The following RALGAPA1 variants were observed in gnomAD, a reference collection of about 807,000 sequenced individuals.
RALGAPA1 encodes the protein ral GTPase-activating protein subunit alpha-1.
In RALGAPA1, 52 loss-of-function variants were observed where a neutral mutation model predicts 269.6. The ratio of observed to expected loss-of-function variants is 0.19; its 90% CI spans 0.15 to 0.24. The LOEUF (loss-of-function observed/expected upper bound fraction) is 0.24. Ranked by LOEUF, RALGAPA1 falls within the 10% of genes least tolerant of loss-of-function variation. RALGAPA1 has a pLI of 1.00. For synonymous variants in RALGAPA1, 817 were observed against 1,008.3 expected (o/e 0.81, Z 3.60); for missense variants, 1,917 against 3,013.9 (o/e 0.64, Z 8.52).
intron 37 of RALGAPA1, among the ~76,000 whole-genome samples, chr14:35,578,849 A>G (rs1287498854): frequency 6.6e-6 from 1 of 152,216 alleles, no homozygotes; most frequent in Non-Finnish European, 1.5e-5. Context: ...TTAAATGCCA[A>G]CAGGCCTGGT....
chr14:35,790,944 C>T (rs1375121167), intron 1 of RALGAPA1, among the ~76,000 whole-genome samples: 1 of 152,082 alleles, frequency 6.6e-6, no homozygotes, highest in Non-Finnish European at 1.5e-5. Context: ...ATTTCATTAT[C>T]TATTAAAAGT....
Position 35,777,130 on chromosome 14 carries a change from C to T in RALGAPA1, c.107-1385G>A, listed in dbSNP as rs144249489. On this transcript the variant is annotated intron_variant, in intron 1 of 41. Transcript: ENST00000680220. Reference sequence around the variant, plus strand: ...TCACATTTTAAGAAATAAAATGACACGGGGAAATTAATTGTAATAATATAT... The same window carrying T: ...TCACATTTTAAGAAATAAAATGACATGGGGAAATTAATTGTAATAATATAT... Among the ~76,000 whole-genome samples the T allele has an allele frequency of 1.4e-3, 215 of 151,896 alleles. 10 individuals carry two copies. In the East Asian group the frequency reaches 0.039, roughly 28 times the overall value.
chr14:35,725,232 C>A (rs1853751164), intron 13 of RALGAPA1, 79 bp from the exon 14 acceptor site: 1 of 987,344 alleles, frequency 1.0e-6, no homozygotes. Context: ...CAAATACATA[C>A]TTCTTATAAA....
intron 31 of RALGAPA1, among the ~76,000 whole-genome samples, chr14:35,651,558 G>C (rs1465044961): frequency 1.3e-5 from 2 of 152,180 alleles, no homozygotes; most frequent in Non-Finnish European, 1.5e-5. Context: ...TAATGAAATA[G>C]AGGTGGACAG....
chr14:35,699,823 C>T (rs1461553489), intron 17 of RALGAPA1, among the ~76,000 whole-genome samples: 1 of 146,902 alleles, frequency 6.8e-6, no homozygotes, highest in Non-Finnish European at 1.5e-5. Flanking sequence ...TCATCTTTTA[C>T]AAGACTTCTA....
chr14:35,794,337 T>C (rs2076403806), intron 1 of RALGAPA1, among the ~76,000 whole-genome samples: 1 of 152,016 alleles, frequency 6.6e-6, no homozygotes, highest in South Asian at 2.1e-4. Flanking sequence ...TATATATCTA[T>C]ATATATGCAC....
intron 19 of RALGAPA1, among the ~76,000 whole-genome samples, chr14:35,685,971 G>T (rs2065889796): frequency 6.6e-6 from 1 of 152,146 alleles, no homozygotes; most frequent in East Asian, 1.9e-4. Flanking sequence ...CTGCTTTCAT[G>T]TTGCCATACT....
chr14:35,768,714 C>CA (rs1280006843), intron 4 of RALGAPA1, among the ~76,000 whole-genome samples: 1 of 151,366 alleles, frequency 6.6e-6, no homozygotes, highest in Non-Finnish European at 1.5e-5. Context: ...TACAGTACTA[C>CA]AAAAAATAAA....
At chr14:35,808,654 G>C in intron 1 of RALGAPA1, 76 bp downstream of exon 1, 1 of 1,491,658 alleles carries the variant, frequency 6.7e-7, no homozygotes, top group Admixed American at 2.0e-5. Flanking sequence ...GGTCCCGAGA[G>C]AGAGTCCGCA....
intron 1 of RALGAPA1, among the ~76,000 whole-genome samples, chr14:35,792,598 C>T (rs2076252963): frequency 3.3e-5 from 5 of 151,700 alleles, no homozygotes; most frequent in Admixed American, 2.6e-4. Context: ...GCCTGGCCAA[C>T]GTGGCGAAAC....
chr14:35,742,607 T>C (rs1268619339), intron 10 of RALGAPA1, 42 bp from the exon 11 acceptor site: 2 of 1,422,584 alleles, frequency 1.4e-6, no homozygotes, highest in African/African-American at 1.4e-5. Context: ...TACTTTTTCC[T>C]TTGCCACAAA....
chr14:35,736,140 A>T (rs532976752), intron 12 of RALGAPA1, among the ~76,000 whole-genome samples: 3 of 152,336 alleles, frequency 2.0e-5, no homozygotes, highest in African/African-American at 7.2e-5. Flanking sequence ...CACAAGAGGT[A>T]GTGTGTGTGC....
chr14:35,602,758 C>T (rs2059368276), intron 36 of RALGAPA1, among the ~76,000 whole-genome samples: 1 of 152,106 alleles, frequency 6.6e-6, no homozygotes, highest in Non-Finnish European at 1.5e-5. Flanking sequence ...TAATAAAGTA[C>T]AATTATCTGG....
intron 33 of RALGAPA1, among the ~76,000 whole-genome samples, chr14:35,631,619 G>A (rs982996018): frequency 6.6e-6 from 1 of 152,140 alleles, no homozygotes; most frequent in African/African-American, 2.4e-5. Context: ...AGAAGGGAAA[G>A]AGTATAATTG....
chr14:35,610,827 T>A (rs1225116016), intron 35 of RALGAPA1, among the ~76,000 whole-genome samples: 1 of 152,134 alleles, frequency 6.6e-6, no homozygotes, highest in African/African-American at 2.4e-5. Context: ...TGATGTTCCA[T>A]ACACTAGCAA....
chr14:35,804,225 G>A (rs563181395), intron 1 of RALGAPA1, among the ~76,000 whole-genome samples: 3 of 151,842 alleles, frequency 2.0e-5, no homozygotes, highest in South Asian at 2.1e-4. Flanking sequence ...TCAAGCCACT[G>A]CACTCTAGCC....
At chr14:35,643,510 T>A (rs2139870666) in intron 31 of RALGAPA1, among the ~76,000 whole-genome samples, 1 of 152,268 alleles carries the variant, frequency 6.6e-6, no homozygotes, top group South Asian at 2.1e-4. Flanking sequence ...AACTACTATA[T>A]GATCCAGTAA....
chr14:35,778,256 G>C (rs905793051), intron 1 of RALGAPA1, among the ~76,000 whole-genome samples: 7 of 152,118 alleles, frequency 4.6e-5, no homozygotes, highest in African/African-American at 1.7e-4. Context: ...TTGTTATGTT[G>C]CCCAGGCTGT....
In RALGAPA1 at chr14:35,651,890, A is replaced by G. The variant is rs78676330; in HGVS notation, c.5608-17T>C. 1.7e-5 allele frequency: 9 copies of G among 520,914 alleles called. No homozygotes were observed. The highest frequency in any genetic ancestry group is 6.8e-6 in the Non-Finnish European group (2 of 294,430). The allele number at this position is 520,914 out of a possible 1,614,324, so 32.3% of individuals were successfully genotyped here. On this transcript the variant is annotated splice_polypyrimidine_tract_variant and intron_variant, in intron 30 of 41. Transcript: ENST00000680220. ...TATTAGGATCTGTAAGCAAAAAAAA[A>G]TTTTTTTAAAAGCTCTATATATGTC...
Sources: allele counts gnomAD v4.1 joint callset (sites outside exome capture counted in the v4.1 genomes callset), GRCh38; gene constraint gnomAD v4.1.1; transcripts MANE v1.5; gene names NCBI Gene and HGNC (gene_info 2026-07-23, HGNC 2026-07-21).